The following SEMA5A variants were observed in gnomAD, a reference collection of about 807,000 sequenced individuals.
SEMA5A encodes the protein semaphorin 5A, also known as semaphorin-5A.
A neutral mutation model predicts 135.5 loss-of-function variants in SEMA5A; 55 were observed. The ratio of observed to expected loss-of-function variants is 0.41; its 90% confidence interval spans 0.33 to 0.51. SEMA5A has a LOEUF of 0.51. SEMA5A is among the 20% of genes least tolerant of loss of function. The pLI, the probability that SEMA5A is intolerant of heterozygous loss-of-function variation, is 0.37. For missense variants in SEMA5A, 1,290 were observed against 1,419.9 expected (o/e 0.91, Z 1.47); for synonymous variants, 580 against 546.5 (o/e 1.06, Z -0.85).
chr5:9,277,543 T>C (rs1303763047), intron 5 of SEMA5A, among the ~76,000 whole-genome samples: 1 of 152,116 alleles, frequency 6.6e-6, no homozygotes, highest in East Asian at 1.9e-4. Context: ...CTGTTCACAA[T>C]AGCAAAGACT....
chr5:9,183,596 G>C (rs1034649053), intron 11 of SEMA5A, among the ~76,000 whole-genome samples: 1 of 152,210 alleles, frequency 6.6e-6, no homozygotes, highest in African/African-American at 2.4e-5. Context: ...GGTCAAGTAA[G>C]GCTGAGAGAA....
intron 2 of SEMA5A, among the ~76,000 whole-genome samples, chr5:9,400,350 A>G (rs974272503): frequency 1.3e-5 from 2 of 152,206 alleles, no homozygotes; most frequent in African/African-American, 4.8e-5. Context: ...AATTAAACTC[A>G]GATAACTTAA....
At chr5:9,295,456 A>G (rs933197563) in intron 5 of SEMA5A, among the ~76,000 whole-genome samples, 1 of 152,118 alleles carries the variant, frequency 6.6e-6, no homozygotes, top group Non-Finnish European at 1.5e-5. Flanking sequence ...AATAATTCAC[A>G]CTGAATGTTT....
At chr5:9,327,510 A>G (rs906959904) in intron 4 of SEMA5A, among the ~76,000 whole-genome samples, 1 of 152,166 alleles carries the variant, frequency 6.6e-6, no homozygotes, top group African/African-American at 2.4e-5. Context: ...AAACCATTTT[A>G]ATAGCATTCT....
In SEMA5A at chr5:9,123,258, CAAAAAAAAA is replaced by C. The variant is rs57533658; in HGVS notation, c.1600-430_1600-422del. Among the ~76,000 whole-genome samples the C allele has an allele frequency of 1.0e-3, 40 of 38,922 alleles. No individual in the cohort carries two copies. In the East Asian group the frequency reaches 0.011, roughly 11 times the overall value. The allele number at this position is 38,922 out of a possible 152,430, so 25.5% of individuals were successfully genotyped here. A position where few individuals can be genotyped will look rare whatever the true frequency, so the allele number is the denominator to read the frequency against. On this transcript the variant is annotated intron_variant, in intron 13 of 22. Transcript: ENST00000382496. The stretch of plus-strand genomic sequence containing the variant: ...TGAGGGAAGGAGCGAGACTCCGCCT[CAAAAAAAAA>C]AAAAAAAAAAAAAAAAAAAAAAAAA...
chr5:9,078,172 C>G (rs1738172909), intron 16 of SEMA5A, among the ~76,000 whole-genome samples: 1 of 152,192 alleles, frequency 6.6e-6, no homozygotes, highest in Non-Finnish European at 1.5e-5. Context: ...TAGCAAATAT[C>G]TTGCAATGAG....
intron 2 of SEMA5A, among the ~76,000 whole-genome samples, chr5:9,405,600 T>C (rs578154523): frequency 5.8e-4 from 88 of 152,106 alleles, no homozygotes; most frequent in African/African-American, 2.1e-3. Flanking sequence ...AGGTGCTGTT[T>C]CTCTGTGGGT....
intron 2 of SEMA5A, among the ~76,000 whole-genome samples, chr5:9,383,479 C>T (rs914583596): frequency 2.0e-5 from 3 of 152,134 alleles, no homozygotes; most frequent in African/African-American, 7.2e-5. Flanking sequence ...TACATGCTAG[C>T]TCTGCAGTAA....
In SEMA5A at chr5:9,352,904, A is replaced by G. The variant is rs1024359106; in HGVS notation, c.125-15092T>C. The stretch of plus-strand genomic sequence containing the variant: ...ACCTGCAAGGGCCAAAATATTTACT[A>G]TCTTACCTTTTACAGAATAAAACTA... On this transcript the variant is annotated intron_variant, in intron 3 of 22. Transcript: ENST00000382496. Among the ~76,000 whole-genome samples, 4 of 152,228 alleles carry G rather than the reference A, an allele frequency of 2.6e-5. No homozygotes were observed. In the East Asian group the frequency reaches 7.7e-4, roughly 29 times the overall value.
At chr5:9,381,592 C>T (rs955003532) in intron 2 of SEMA5A, among the ~76,000 whole-genome samples, 3 of 152,164 alleles carry the variant, frequency 2.0e-5, no homozygotes, top group African/African-American at 7.2e-5. Context: ...AGTCCAACTA[C>T]CCTGAGATGG....
At chr5:9,327,358 A>G (rs1416857982) in intron 4 of SEMA5A, among the ~76,000 whole-genome samples, 1 of 152,144 alleles carries the variant, frequency 6.6e-6, no homozygotes, top group Non-Finnish European at 1.5e-5. Context: ...GTTGCTGTTA[A>G]TACTGTTACG....
intron 1 of SEMA5A, among the ~76,000 whole-genome samples, chr5:9,525,542 C>T (rs753097255): frequency 1.8e-4 from 27 of 152,362 alleles, no homozygotes; most frequent in Non-Finnish European, 2.8e-4. Flanking sequence ...ATGATAATGG[C>T]TGTACTGGCC....
rs1157067729 is a variant in SEMA5A at position 9,545,066 on chromosome 5, C to A, written c.-175+518G>T. On this transcript the variant is annotated intron_variant, in intron 1 of 22. Transcript: ENST00000382496. This position sits in a 1 kb window ranked among gnomAD's most constrained non-coding sequence, Gnocchi z 4.5. ...GTCTTTCATTAACCAAGGCGCTTGGCGGAGTTGAGCCCAAGTCCCATTGCC... is the reference window on the plus strand; with the variant it reads ...GTCTTTCATTAACCAAGGCGCTTGGAGGAGTTGAGCCCAAGTCCCATTGCC... Among the ~76,000 whole-genome samples the A allele has an allele frequency of 1.3e-5, 2 of 152,138 alleles. No homozygotes were observed. Among genetic ancestry groups the A allele is most frequent in the African/African-American group, 4.8e-5 (2 of 41,444 alleles).
intron 18 of SEMA5A, among the ~76,000 whole-genome samples, chr5:9,056,366 T>C (rs527878948): frequency 8.2e-4 from 125 of 152,274 alleles, no homozygotes; most frequent in Middle Eastern, 3.4e-3. Context: ...CCTTATACAC[T>C]GTTGGTGGGA....
intron 2 of SEMA5A, among the ~76,000 whole-genome samples, chr5:9,390,007 C>T (rs1009073468): frequency 1.3e-5 from 2 of 152,218 alleles, no homozygotes; most frequent in Admixed American, 1.3e-4. Flanking sequence ...TGCAAATCCA[C>T]ATGTGCCTCT....
At chr5:9,173,903 A>ACATTATGAAAACATAG (rs1744066353) in intron 11 of SEMA5A, among the ~76,000 whole-genome samples, 1 of 152,218 alleles carries the variant, frequency 6.6e-6, no homozygotes, top group Non-Finnish European at 1.5e-5. Context: ...TGAAAACATA[A>ACATTATGAAAACATAG]CATTATGAAA....
chr5:9,312,784 GAC>G (rs1212601511), intron 5 of SEMA5A, among the ~76,000 whole-genome samples: 1 of 152,092 alleles, frequency 6.6e-6, no homozygotes, highest in African/African-American at 2.4e-5. Context: ...AAGTACTGTT[GAC>G]TCCATGTCCA....
chr5:9,086,291 T>G (rs2150113965), intron 16 of SEMA5A, among the ~76,000 whole-genome samples: 1 of 152,096 alleles, frequency 6.6e-6, no homozygotes, highest in Non-Finnish European at 1.5e-5. Context: ...AGTGATATGG[T>G]TTGGCTCTGT....
chr5:9,443,347 G>T (rs1483014556), intron 1 of SEMA5A, among the ~76,000 whole-genome samples: 1 of 152,072 alleles, frequency 6.6e-6, no homozygotes. Context: ...AGAGAGAGGG[G>T]AGAGGGGAGG....
Sources: allele counts gnomAD v4.1 joint callset (sites outside exome capture counted in the v4.1 genomes callset), GRCh38; gene constraint gnomAD v4.1.1; non-coding constraint Gnocchi (gnomAD v3.1); transcripts MANE v1.5; gene names NCBI Gene and HGNC (gene_info 2026-07-23, HGNC 2026-07-21).